The following RASGRF2 variants were observed in gnomAD, a reference collection of about 807,000 sequenced individuals.
RASGRF2 encodes Ras protein specific guanine nucleotide releasing factor 2.
RASGRF2 carries 76 observed loss-of-function variants against 151.0 expected under a neutral mutation model. The ratio of observed to expected loss-of-function variants is 0.50; its 90% CI spans 0.42 to 0.61. RASGRF2 has a LOEUF of 0.61. Among genes scored for constraint, RASGRF2 ranks in the 20% least tolerant of loss-of-function variants. The pLI is 0.00. For synonymous variants in RASGRF2, 504 were observed against 566.5 expected, an observed-to-expected ratio of 0.89 and a Z score of 1.57; for missense variants, 1,148 against 1,564.6, an observed-to-expected ratio of 0.73 and a Z score of 4.49.
chr5:81,043,452 G>C (rs1389655169), intron 2 of RASGRF2, among the ~76,000 whole-genome samples: 1 of 152,152 alleles, frequency 6.6e-6, no homozygotes, highest in Non-Finnish European at 1.5e-5. Context: ...ACCCTGCTCT[G>C]TGCACCTCGG....
chr5:81,215,394 C>T (rs1486236923), intron 23 of RASGRF2, among the ~76,000 whole-genome samples: 1 of 151,846 alleles, frequency 6.6e-6, no homozygotes, highest in African/African-American at 2.4e-5. Context: ...CCTCAGCCTC[C>T]CGAGTAGCTG....
intron 1 of RASGRF2, among the ~76,000 whole-genome samples, chr5:81,012,909 T>A (rs1368624409): frequency 6.6e-6 from 1 of 152,034 alleles, no homozygotes; most frequent in African/African-American, 2.4e-5. Flanking sequence ...CTGCCTGATG[T>A]TCAAGTACAT....
At chr5:80,985,838 G>A (rs1264798897) in intron 1 of RASGRF2, among the ~76,000 whole-genome samples, 2 of 152,170 alleles carry the variant, frequency 1.3e-5, no homozygotes, top group East Asian at 3.8e-4. Context: ...ACCAAAAGGA[G>A]TCTGAAGAGA....
intron 15 of RASGRF2, among the ~76,000 whole-genome samples, chr5:81,116,831 C>T (rs1753172291): frequency 6.6e-6 from 1 of 152,098 alleles, no homozygotes; most frequent in African/African-American, 2.4e-5. Flanking sequence ...GTGTAATGTC[C>T]TCAAGGTTCA....
intron 26 of RASGRF2, among the ~76,000 whole-genome samples, chr5:81,223,044 A>G (rs1349845184): frequency 6.6e-6 from 1 of 152,262 alleles, no homozygotes; most frequent in African/African-American, 2.4e-5. Flanking sequence ...GACTAGGATT[A>G]AGTGGAACAG....
chr5:81,090,351 G>A (rs186711207), intron 9 of RASGRF2, among the ~76,000 whole-genome samples: 18 of 152,298 alleles, frequency 1.2e-4, no homozygotes, highest in East Asian at 1.9e-4. Flanking sequence ...TAGAGAGACC[G>A]ATGACCAGGA....
At chr5:81,018,802 C>T (rs199955007) in intron 1 of RASGRF2, among the ~76,000 whole-genome samples, 2,011 of 127,026 alleles carry the variant, frequency 0.016, 56 homozygotes, top group African/African-American at 0.053. Flanking sequence ...TCCATCTGCA[C>T]TTTTTTTTTT....
chr5:81,039,090 A>G (rs1337925209), intron 1 of RASGRF2, among the ~76,000 whole-genome samples: 1 of 152,112 alleles, frequency 6.6e-6, no homozygotes, highest in Non-Finnish European at 1.5e-5. Flanking sequence ...ATTCTCTTAT[A>G]TTACTTTCTA....
At chr5:80,980,632 A>G (rs928059118) in intron 1 of RASGRF2, among the ~76,000 whole-genome samples, 1 of 150,848 alleles carries the variant, frequency 6.6e-6, no homozygotes, top group African/African-American at 2.4e-5. Flanking sequence ...ACTGAGCCAG[A>G]CTCCATCTCA....
chr5:81,050,318 C>G (rs937124035), intron 2 of RASGRF2, among the ~76,000 whole-genome samples: 8 of 152,148 alleles, frequency 5.3e-5, no homozygotes, highest in Non-Finnish European at 8.8e-5. Flanking sequence ...CCGGGGTTCC[C>G]AGTTGCTTTT....
At chr5:81,125,403 A>G (rs1178719529) in intron 16 of RASGRF2, among the ~76,000 whole-genome samples, 1 of 152,216 alleles carries the variant, frequency 6.6e-6, no homozygotes. Context: ...TAAGGCTCCA[A>G]GTCAGTTATG....
At chr5:81,044,515 C>G (rs1750777327) in intron 2 of RASGRF2, among the ~76,000 whole-genome samples, 1 of 152,176 alleles carries the variant, frequency 6.6e-6, no homozygotes, top group Non-Finnish European at 1.5e-5. Context: ...CCTCCCCTTC[C>G]CTCGTCTCAC....
chr5:80,991,134 T>A (rs181560392), intron 1 of RASGRF2, among the ~76,000 whole-genome samples: 1 of 152,282 alleles, frequency 6.6e-6, no homozygotes, highest in East Asian at 1.9e-4. Context: ...GCAAATCCCC[T>A]GGAGGCCTTG....
Position 81,112,641 on chromosome 5 carries a change from G to A in RASGRF2, c.1870G>A (p.Asp624Asn). The part of the protein sequence containing the change: ...SDARLHKDDT[D>N]ICFSKTLNSC... ...TGCCCGTCTTCATAAAGACGACACT[G>A]ACATTTGCTTCAGTAAAACACTCAA... is the stretch of plus-strand genomic sequence containing the variant. Residue 624 changes from aspartate (D) to asparagine (N), a missense_variant, in exon 14 of 27, where the codon GAC (aspartate) becomes AAC (asparagine). By Grantham distance (23) the Asp-to-Asn change is conservative. Coordinates refer to ENST00000265080, the MANE Select transcript of RASGRF2 (RefSeq NM_006909.3). 6.2e-7 allele frequency: 1 copy of A among 1,614,166 alleles called. No homozygotes were observed. Among genetic ancestry groups the A allele is most frequent in the Admixed American group, 1.7e-5 (1 of 60,024 alleles).
At chr5:81,134,079 CGTGTGT>C (rs139770057) in intron 17 of RASGRF2, among the ~76,000 whole-genome samples, 4 of 143,702 alleles carry the variant, frequency 2.8e-5, no homozygotes, top group African/African-American at 7.8e-5. Context: ...TGCTTGTGTG[CGTGTGT>C]GTGTGTGTGT....
rs183286832 is a variant in RASGRF2, at chr5:81,191,973, C to A, written c.2794-9357C>A. On this transcript the variant is annotated intron_variant, in intron 18 of 26. Coordinates refer to ENST00000265080, the MANE Select transcript of RASGRF2 (RefSeq NM_006909.3). ...AGTTATTTTTGTTCTAACATATCTT[C>A]CACATTTTCGCTGTGCCTTCTCCCC... 7.9e-4 allele frequency among the ~76,000 whole-genome samples: 121 copies of A among 152,326 alleles called. 1 individual carries two copies. Among genetic ancestry groups the A allele is most frequent in the South Asian group, 7.3e-3 (35 of 4,818 alleles).
At chr5:81,108,910 A>T in intron 12 of RASGRF2, 86 bp from the exon 13 acceptor site, 1 of 1,455,414 alleles carries the variant, frequency 6.9e-7, no homozygotes, top group Non-Finnish European at 9.1e-7. Context: ...AATTGAATGG[A>T]TTCTTTTAGC....
intron 19 of RASGRF2, among the ~76,000 whole-genome samples, chr5:81,203,126 T>A (rs1448014119): frequency 6.6e-6 from 1 of 152,234 alleles, no homozygotes; most frequent in Non-Finnish European, 1.5e-5. Flanking sequence ...AAGTACATAT[T>A]GAGGTGAAGC....
At chr5:81,038,769 C>T (rs1414136775) in intron 1 of RASGRF2, among the ~76,000 whole-genome samples, 2 of 151,668 alleles carry the variant, frequency 1.3e-5, no homozygotes, top group African/African-American at 4.8e-5. Context: ...AGAGATGGGG[C>T]TTTGCCATGT....
Sources: gnomAD v4.1 joint callset for allele counts (sites outside exome capture counted in the v4.1 genomes callset) on GRCh38, gnomAD v4.1.1 for gene constraint, MANE v1.5 for transcripts, NCBI Gene and HGNC (gene_info 2026-07-23, HGNC 2026-07-21) for gene names.